Variants in IQSEC1 observed in about 807,000 individuals in gnomAD.
IQSEC1 encodes IQ motif and SEC7 domain-containing protein 1.
In IQSEC1, 31 loss-of-function variants were observed where a neutral mutation model predicts 91.0. The observed-to-expected ratio is 0.34, with a 90% CI of 0.26 to 0.46. IQSEC1 has a LOEUF of 0.46. Among genes scored for constraint, IQSEC1 ranks in the 20% least tolerant of loss-of-function variants. The pLI is 1.00. For missense variants in IQSEC1, 1,388 were observed against 1,575.6 expected (o/e 0.88, Z 2.02); for synonymous variants, 699 against 662.6 (o/e 1.05, Z -0.84).
At chr3:13,015,491 G>T in intron 1 of IQSEC1, 1 of 889,340 alleles carries the variant, frequency 1.1e-6, no homozygotes, top group Non-Finnish European at 1.3e-6. Flanking sequence ...CCCTCACCAC[G>T]GCAGGCTGCC....
chr3:13,101,325 C>T (rs1387934855), intron 2 of IQSEC1, among the ~76,000 whole-genome samples: 1 of 150,688 alleles, frequency 6.6e-6, no homozygotes, highest in African/African-American at 2.4e-5. Flanking sequence ...ACTAAAAATA[C>T]AAAAAATTAG....
rs1693919692 is a variant in IQSEC1 at position 12,898,897 on chromosome 3, A to AT, written c.*2085_*2086insA. The stretch of plus-strand genomic sequence containing the variant: ...TGCTTTGGGGAGCCTGGCTTTTAAA[A>AT]AAGACCCGAGAATTGATGAGTCGGA... On this transcript the variant is annotated 3_prime_UTR_variant, in exon 14 of 14. Coordinates refer to ENST00000613206, the MANE Select transcript of IQSEC1 (RefSeq NM_001134382.3). 2 of 153,384 alleles carry AT rather than the reference A, an allele frequency of 1.3e-5. No homozygotes were observed. Among genetic ancestry groups the AT allele is most frequent in the Admixed American group, 6.5e-5 (1 of 15,424 alleles). 9.5% of individuals were successfully genotyped at this position (153,384 alleles called of 1,614,324 possible).
intron 2 of IQSEC1, among the ~76,000 whole-genome samples, chr3:12,938,771 G>A (rs533069029): frequency 5.3e-5 from 8 of 152,094 alleles, no homozygotes; most frequent in East Asian, 1.9e-4. Context: ...TGCTGGCTCC[G>A]GACCTCGCAG....
At chr3:12,997,338 G>A (rs1369376269) in intron 1 of IQSEC1, among the ~76,000 whole-genome samples, 1 of 152,196 alleles carries the variant, frequency 6.6e-6, no homozygotes, top group African/African-American at 2.4e-5. Flanking sequence ...GGACTGAGGG[G>A]TGCATGGAAT....
intron 1 of IQSEC1, among the ~76,000 whole-genome samples, chr3:13,071,432 T>C (rs188768736): frequency 5.3e-5 from 8 of 152,196 alleles, no homozygotes; most frequent in Admixed American, 5.2e-4. Context: ...CTCCCCGATG[T>C]AACAGCCCTG....
chr3:13,004,634 G>T (rs1171840888), intron 1 of IQSEC1, among the ~76,000 whole-genome samples: 2 of 152,190 alleles, frequency 1.3e-5, no homozygotes, highest in Non-Finnish European at 2.9e-5. Context: ...CCCAGAGCAG[G>T]GACAGGGCAT....
At chr3:12,998,067 C>T (rs898306796) in intron 1 of IQSEC1, among the ~76,000 whole-genome samples, 7 of 152,202 alleles carry the variant, frequency 4.6e-5, no homozygotes, top group East Asian at 1.9e-4. Flanking sequence ...GGCAGCTCTA[C>T]GGCCAGGCAC....
chr3:12,930,505 G>C (rs1037955074), intron 3 of IQSEC1, among the ~76,000 whole-genome samples: 1 of 152,274 alleles, frequency 6.6e-6, no homozygotes, highest in East Asian at 1.9e-4. Flanking sequence ...TTCAGGGAGA[G>C]GCACAAGAGC....
At position 13,123,398 on chromosome 3, in the gene IQSEC1, C is replaced by T. The variant is rs530133663; in HGVS notation, c.302+40706G>A. Among the ~76,000 whole-genome samples the T allele has an allele frequency of 1.0e-3, 158 of 152,322 alleles. 1 individual carries two copies. The highest frequency in any genetic ancestry group is 1.7e-3 in the Non-Finnish European group (116 of 68,032). ...TGGTGCTGGCGGAGTCAGGTCTTTCCGGTTCCCATGGGGACGGTGGCCTGT... is the reference window on the plus strand; with the variant it reads ...TGGTGCTGGCGGAGTCAGGTCTTTCTGGTTCCCATGGGGACGGTGGCCTGT... On this transcript the variant is annotated intron_variant, in intron 2 of 15. Coordinates refer to the IQSEC1 transcript ENST00000648114.
chr3:13,015,467 G>A (rs1351347671), intron 1 of IQSEC1: 3 of 656,134 alleles, frequency 4.6e-6, no homozygotes, highest in South Asian at 6.7e-5. Flanking sequence ...AAACTCTGAC[G>A]ACAGCCCCCA....
intron 1 of IQSEC1, among the ~76,000 whole-genome samples, chr3:13,277,197 CT>C: frequency 6.8e-6 from 1 of 147,742 alleles, no homozygotes; most frequent in Middle Eastern, 3.7e-3. Flanking sequence ...GACAAAACAG[CT>C]GAGAAATAGC....
At chr3:13,137,184 C>T (rs2124929911) in intron 2 of IQSEC1, among the ~76,000 whole-genome samples, 1 of 152,272 alleles carries the variant, frequency 6.6e-6, no homozygotes, top group Middle Eastern at 3.4e-3. Context: ...CACTCACATA[C>T]CTGTAATCCG....
chr3:12,939,100 C>A (rs192273450), intron 2 of IQSEC1, among the ~76,000 whole-genome samples: 1 of 152,344 alleles, frequency 6.6e-6, no homozygotes, highest in East Asian at 1.9e-4. Context: ...TGCCACCTCA[C>A]AGCAGCTTCT....
chr3:13,030,870 T>C (rs761762831), intron 1 of IQSEC1, among the ~76,000 whole-genome samples: 1 of 152,242 alleles, frequency 6.6e-6, no homozygotes, highest in Non-Finnish European at 1.5e-5. Flanking sequence ...GCCTTACAAC[T>C]CCGAGGTTCA....
chr3:13,204,832 C>T (rs1179009607), intron 1 of IQSEC1, among the ~76,000 whole-genome samples: 1 of 143,512 alleles, frequency 7.0e-6, no homozygotes, highest in East Asian at 2.2e-4. Flanking sequence ...CGGAATTTCA[C>T]TCTTGTTGCC....
At chr3:13,121,799 G>A (rs1706428499) in intron 2 of IQSEC1, among the ~76,000 whole-genome samples, 1 of 152,222 alleles carries the variant, frequency 6.6e-6, no homozygotes, top group Non-Finnish European at 1.5e-5. Flanking sequence ...CCCAGGATGG[G>A]GCAGTGGGCT....
intron 1 of IQSEC1, among the ~76,000 whole-genome samples, chr3:13,178,387 G>C (rs1029432739): frequency 6.6e-6 from 1 of 152,376 alleles, no homozygotes; most frequent in East Asian, 1.9e-4. Context: ...GGTCAAGAGT[G>C]AGGATGGGGC....
chr3:13,076,846 C>T (rs1181925920), upstream of IQSEC1, among the ~76,000 whole-genome samples: 1 of 152,112 alleles, frequency 6.6e-6, no homozygotes, highest in Non-Finnish European at 1.5e-5. Context: ...CCCCCTTTAC[C>T]TCCCACCCTC....
intron 13 of IQSEC1, among the ~76,000 whole-genome samples, chr3:12,902,191 G>A (rs140423153): frequency 3.9e-4 from 60 of 152,286 alleles, no homozygotes; most frequent in Non-Finnish European, 6.9e-4. Flanking sequence ...AGAGATGGCC[G>A]GAGGATGAGT....
Sources: gnomAD v4.1 joint callset for allele counts (sites outside exome capture counted in the v4.1 genomes callset) on GRCh38, gnomAD v4.1.1 for gene constraint, MANE v1.5 for transcripts, NCBI Gene and HGNC (gene_info 2026-07-23, HGNC 2026-07-21) for gene names.